The following PLCH1 variants were observed in gnomAD, a reference collection of about 807,000 sequenced individuals.
The protein encoded by PLCH1 is 1-phosphatidylinositol 4,5-bisphosphate phosphodiesterase eta-1.
PLCH1 carries 60 observed loss-of-function variants against 126.7 expected under a neutral mutation model. The ratio of observed to expected loss-of-function variants is 0.47; its 90% CI spans 0.38 to 0.59. The LOEUF is 0.59. PLCH1 is among the 20% of genes least tolerant of loss of function. The pLI is 0.00. For missense variants in PLCH1, 1,723 were observed against 2,040.0 expected, an observed-to-expected ratio of 0.84 and a Z score of 2.99; for synonymous variants, 719 against 734.9, an observed-to-expected ratio of 0.98 and a Z score of 0.35.
chr3:155,564,551 G>C (rs918328377), intron 8 of PLCH1, among the ~76,000 whole-genome samples: 1 of 151,924 alleles, frequency 6.6e-6, no homozygotes, highest in East Asian at 1.9e-4. Flanking sequence ...GTGACAGAGC[G>C]AGACTCCATC....
At chr3:155,707,743 G>GTATTATATGTTACAT (rs1264787194) in intron 1 of PLCH1, among the ~76,000 whole-genome samples, 1 of 151,938 alleles carries the variant, frequency 6.6e-6, no homozygotes, top group Non-Finnish European at 1.5e-5. Flanking sequence ...CATAGCAATA[G>GTATTATATGTTACAT]ATAATGTAAC....
intron 21 of PLCH1, among the ~76,000 whole-genome samples, chr3:155,470,550 C>T (rs1028722237): frequency 7.2e-5 from 11 of 152,066 alleles, no homozygotes; most frequent in East Asian, 1.9e-4. Flanking sequence ...GGCAGGCCAA[C>T]GTTCAGATTC....
At chr3:155,625,568 A>G (rs965423734) in intron 2 of PLCH1, among the ~76,000 whole-genome samples, 1 of 152,238 alleles carries the variant, frequency 6.6e-6, no homozygotes, top group Admixed American at 6.5e-5. Context: ...TGGGCAAAGG[A>G]TATTAACAGA....
chr3:155,542,242 C>A (rs181767562), intron 10 of PLCH1, among the ~76,000 whole-genome samples: 29 of 152,350 alleles, frequency 1.9e-4, no homozygotes, highest in East Asian at 5.8e-4. Flanking sequence ...TATCCCGCAC[C>A]TGGCTCGGAG....
intron 1 of PLCH1, among the ~76,000 whole-genome samples, chr3:155,736,983 A>T (rs1749227597): frequency 6.6e-6 from 1 of 151,984 alleles, no homozygotes; most frequent in Admixed American, 6.6e-5. Context: ...TAACCTCAGC[A>T]CTTTGGGAGG....
chr3:155,516,290 G>A (rs775911698), intron 11 of PLCH1, among the ~76,000 whole-genome samples: 9 of 152,260 alleles, frequency 5.9e-5, no homozygotes, highest in Non-Finnish European at 8.8e-5. Flanking sequence ...TAAGGAACAC[G>A]GCATTACTAC....
At chr3:155,605,970 A>G (rs919896927) in intron 2 of PLCH1, among the ~76,000 whole-genome samples, 4 of 149,062 alleles carry the variant, frequency 2.7e-5, no homozygotes, top group East Asian at 2.0e-4. Flanking sequence ...CGTGGGAGGG[A>G]AAAAAAAAAG....
chr3:155,514,199 T>C (rs910373673), intron 12 of PLCH1, among the ~76,000 whole-genome samples: 1 of 152,214 alleles, frequency 6.6e-6, no homozygotes, highest in Admixed American at 6.5e-5. Flanking sequence ...TTAGGATTTC[T>C]AAGTTTAGAA....
intron 1 of PLCH1, among the ~76,000 whole-genome samples, chr3:155,741,048 C>T (rs1050676743): frequency 1.3e-5 from 2 of 152,180 alleles, no homozygotes; most frequent in Non-Finnish European, 1.5e-5. Context: ...TCTTCCACTA[C>T]GAAGCACAGA....
intron 2 of PLCH1, among the ~76,000 whole-genome samples, chr3:155,693,245 C>T (rs1745547703): frequency 3.2e-5 from 1 of 30,982 alleles, no homozygotes. Flanking sequence ...GCGGGTGGAT[C>T]ATGAGGTCAG....
Position 155,633,482 on chromosome 3 carries a change from G to A in PLCH1, c.80-37104C>T, listed in dbSNP as rs141337454. Among the ~76,000 whole-genome samples the A allele has an allele frequency of 1.6e-4, 24 of 149,888 alleles. No homozygotes were observed. The East Asian group carries it at 3.5e-3, about 22-fold the overall frequency. On this transcript the variant is annotated intron_variant, in intron 2 of 22. Transcript: ENST00000460012. ...CACACCTACTTGCATTATTATTTCC[G>A]TCTCTCCTGCTGGAATGTAAGTTCC...
intron 6 of PLCH1, among the ~76,000 whole-genome samples, 158 bp from the exon 7 acceptor site, chr3:155,568,482 G>A (rs1049310836): frequency 6.6e-6 from 1 of 152,096 alleles, no homozygotes; most frequent in Non-Finnish European, 1.5e-5. Flanking sequence ...TTTATCTTTG[G>A]AGAATGACCA....
At chr3:155,739,261 A>C (rs552708488) in intron 1 of PLCH1, among the ~76,000 whole-genome samples, 1 of 152,332 alleles carries the variant, frequency 6.6e-6, no homozygotes, top group African/African-American at 2.4e-5. Flanking sequence ...AAATCTATCA[A>C]TACTACCTCA....
At chr3:155,569,670 T>C (rs1728954644) in intron 6 of PLCH1, among the ~76,000 whole-genome samples, 1 of 152,202 alleles carries the variant, frequency 6.6e-6, no homozygotes, top group Non-Finnish European at 1.5e-5. Context: ...ACATGCAGTC[T>C]AAAGATAAAT....
rs1391893132 is a variant in PLCH1 at position 155,482,614 on chromosome 3, G to A, written c.3412C>T (p.Arg1138Ter). ...GACAAAGAAAAGGATGTTGCAGCTC[G>A]GCCCTTACCCCTATTACCTTCCAGG... Reference protein sequence around the residue: ...KNLEGNRGKGRAATSFSLSDV... With the variant: ...KNLEGNRGKG The change falls in exon 23 of 23, where the codon CGA becomes TGA. Residue 1138 changes from arginine (R) to a stop codon, truncating the protein, a stop_gained. Coordinates refer to ENST00000460012, the MANE Select transcript of PLCH1 (RefSeq NM_014996.4). LOFTEE classifies it low-confidence loss of function (END_TRUNC). 1 of 1,614,120 alleles carries A rather than the reference G, an allele frequency of 6.2e-7. No individual in the cohort carries two copies. Among genetic ancestry groups the A allele is most frequent in the Non-Finnish European group, 8.5e-7 (1 of 1,180,002 alleles).
chr3:155,615,623 G>A (rs538182611), intron 2 of PLCH1, among the ~76,000 whole-genome samples: 2 of 152,182 alleles, frequency 1.3e-5, no homozygotes, highest in African/African-American at 2.4e-5. Context: ...ACAGCAACCT[G>A]AATGGAGCTG....
At chr3:155,649,375 T>A (rs1346500388) in intron 2 of PLCH1, among the ~76,000 whole-genome samples, 1 of 152,158 alleles carries the variant, frequency 6.6e-6, no homozygotes, top group Non-Finnish European at 1.5e-5. Context: ...AAACAAACCA[T>A]GCTACTCAGC....
At chr3:155,487,169 A>T (rs1715369401) in intron 21 of PLCH1, 1 of 152,228 alleles carries the variant, frequency 6.6e-6, no homozygotes, top group Non-Finnish European at 1.5e-5. Context: ...TCATAATAAC[A>T]TTAATATTAG....
intron 6 of PLCH1, among the ~76,000 whole-genome samples, chr3:155,581,000 G>C (rs377687015): frequency 6.6e-6 from 1 of 152,166 alleles, no homozygotes; most frequent in Admixed American, 6.5e-5. Context: ...AATCTGAAAT[G>C]TTACTAATCC....
Sources: allele counts gnomAD v4.1 joint callset (sites outside exome capture counted in the v4.1 genomes callset), GRCh38; gene constraint gnomAD v4.1.1; transcripts MANE v1.5; gene names NCBI Gene and HGNC (gene_info 2026-07-23, HGNC 2026-07-21).